Variants in PIBF1 observed in about 807,000 individuals in gnomAD.
PIBF1 encodes the protein progesterone immunomodulatory binding factor 1, also known as progesterone-induced-blocking factor 1.
PIBF1 carries 90 observed loss-of-function variants against 112.5 expected under a neutral mutation model. That is an observed-to-expected ratio of 0.80 (90% confidence interval 0.67 to 0.95). The LOEUF is 0.95. PIBF1 is among the 40% of genes least tolerant of loss of function. The pLI is 0.00. For missense variants in PIBF1, 915 were observed against 852.3 expected, an observed-to-expected ratio of 1.07 and a Z score of -0.92; for synonymous variants, 301 against 288.6, an observed-to-expected ratio of 1.04 and a Z score of -0.44.
intron 14 of PIBF1, among the ~76,000 whole-genome samples, chr13:72,931,732 A>ATATATATATATG (rs1290585521): frequency 6.9e-6 from 1 of 144,300 alleles, no homozygotes; most frequent in Non-Finnish European, 1.5e-5. Context: ...ATATATATAT[A>ATATATATATATG]TATATATATA....
At chr13:72,918,265 A>C (rs1332529329) in intron 13 of PIBF1, among the ~76,000 whole-genome samples, 2 of 152,126 alleles carry the variant, frequency 1.3e-5, no homozygotes, top group Non-Finnish European at 2.9e-5. Context: ...TTCTCTGCCT[A>C]TAAAGCAACT....
At chr13:72,841,675 T>A (rs1353641615) in intron 9 of PIBF1, among the ~76,000 whole-genome samples, 1 of 151,780 alleles carries the variant, frequency 6.6e-6, no homozygotes, top group Non-Finnish European at 1.5e-5. Context: ...GAGGCTGAGG[T>A]GGGAGGATCA....
intron 10 of PIBF1, among the ~76,000 whole-genome samples, chr13:72,885,455 A>G (rs2039810264): frequency 6.6e-6 from 1 of 152,142 alleles, no homozygotes; most frequent in South Asian, 2.1e-4. Flanking sequence ...TAAAAACCTC[A>G]TGGTTACTAT....
chr13:72,903,012 C>T (rs755169533), intron 11 of PIBF1, among the ~76,000 whole-genome samples: 8 of 151,950 alleles, frequency 5.3e-5, no homozygotes, highest in Non-Finnish European at 8.8e-5. Flanking sequence ...CCTCCCACCT[C>T]AGCCTCCCGA....
At position 72,782,875 on chromosome 13, in the gene PIBF1, CGTGTGTGTGTGTGT is replaced by C. The variant is rs34618038; in HGVS notation, c.-47-529_-47-516del. On this transcript the variant is annotated intron_variant, in intron 1 of 17. Transcript: ENST00000326291. ...GCCTTCCAGTCTTGATCGTTAAGGGCGTGTGTGTGTGTGTGTGTGTGTGTGTGTGTGTTTGTGTT... is the reference window on the plus strand; with the variant it reads ...GCCTTCCAGTCTTGATCGTTAAGGGCGTGTGTGTGTGTGTGTGTTTGTGTT... Among the ~76,000 whole-genome samples the C allele has an allele frequency of 7.6e-3, 1,116 of 147,466 alleles. 12 individuals carry two copies. Among genetic ancestry groups the C allele is most frequent in the Middle Eastern group, 0.014 (4 of 290 alleles).
intron 14 of PIBF1, among the ~76,000 whole-genome samples, chr13:72,954,099 A>G (rs2042375715): frequency 6.6e-6 from 1 of 152,144 alleles, no homozygotes; most frequent in South Asian, 2.1e-4. Flanking sequence ...CCTCTGGTGC[A>G]CAGAAGAATC....
At chr13:72,888,926 G>A (rs1221687096) in intron 10 of PIBF1, among the ~76,000 whole-genome samples, 1 of 152,116 alleles carries the variant, frequency 6.6e-6, no homozygotes, top group African/African-American at 2.4e-5. Flanking sequence ...TGGGCTGGGT[G>A]CAGTGACCCA....
At chr13:72,916,671 C>T (rs1374623132) in intron 12 of PIBF1, among the ~76,000 whole-genome samples, 2 of 151,780 alleles carry the variant, frequency 1.3e-5, no homozygotes, top group African/African-American at 4.8e-5. Context: ...TAAAGTTGTT[C>T]TGATAAAATA....
intron 5 of PIBF1, among the ~76,000 whole-genome samples, chr13:72,813,676 A>G (rs1414333268): frequency 6.6e-6 from 1 of 152,202 alleles, no homozygotes; most frequent in Non-Finnish European, 1.5e-5. Flanking sequence ...CAAATATTCA[A>G]GAAACTCAGG....
At chr13:72,928,390 C>G (rs1176179886) in intron 13 of PIBF1, among the ~76,000 whole-genome samples, 1 of 151,998 alleles carries the variant, frequency 6.6e-6, no homozygotes, top group Non-Finnish European at 1.5e-5. Flanking sequence ...CAGGGAAATT[C>G]CTTTTTGAAG....
chr13:72,804,172 A>G (rs1363298356), intron 5 of PIBF1, among the ~76,000 whole-genome samples: 5 of 152,196 alleles, frequency 3.3e-5, no homozygotes, highest in Admixed American at 6.5e-5. Context: ...TTGACCCAAA[A>G]GAGTAAATTT....
intron 11 of PIBF1, among the ~76,000 whole-genome samples, chr13:72,907,771 ATAAG>A (rs1261297839): frequency 4.0e-4 from 61 of 152,212 alleles, no homozygotes; most frequent in African/African-American, 1.4e-3. Context: ...GTCTGTAAAA[ATAAG>A]TAAGCATTCT....
Position 72,931,076 on chromosome 13 carries a change from A to G in PIBF1, c.1731-89A>G. ...AATATTTAAGTATAATTAGGAAATG[A>G]TGTCTATTTTCAAGTACACAAACAC... On this transcript the variant is annotated intron_variant, in intron 13 of 17. Coordinates refer to ENST00000326291, the MANE Select transcript of PIBF1 (RefSeq NM_006346.4). 3 of 719,480 alleles carry G rather than the reference A, an allele frequency of 4.2e-6. No individual in the cohort carries two copies. In the South Asian group the frequency reaches 5.2e-5, roughly 12 times the overall value. 44.6% of individuals were successfully genotyped at this position (719,480 alleles called of 1,614,324 possible). A position where few individuals can be genotyped will look rare whatever the true frequency, so the allele number is the denominator to read the frequency against.
chr13:72,827,815 G>C lies in PIBF1; in HGVS notation c.998G>C (p.Arg333Pro). 6.2e-7 allele frequency: 1 copy of C among 1,604,286 alleles called. No homozygotes were observed. The highest frequency in any genetic ancestry group is 8.5e-7 in the Non-Finnish European group (1 of 1,175,394). Residue 333 changes from arginine (R) to proline (P), a missense_variant, in exon 8 of 18, where the codon CGC becomes CCC. Arg to Pro is a moderately radical substitution (Grantham distance 103, BLOSUM62 -2). Coordinates refer to ENST00000326291, the MANE Select transcript of PIBF1 (RefSeq NM_006346.4). ...CGCCAAAACATGGAGCTTAGTGTTC[G>C]CTGTGCTCATGAAGAGGATCGCCTT... Reference protein sequence around the residue: ...LNRQNMELSVRCAHEEDRLER... With the variant: ...LNRQNMELSVPCAHEEDRLER...
intron 10 of PIBF1, among the ~76,000 whole-genome samples, chr13:72,861,496 T>A (rs2038697753): frequency 6.6e-6 from 1 of 152,154 alleles, no homozygotes; most frequent in South Asian, 2.1e-4. Flanking sequence ...GATTTTTATG[T>A]CATATTGGGC....
chr13:72,877,564 G>A (rs1333902244), intron 10 of PIBF1, among the ~76,000 whole-genome samples: 1 of 152,058 alleles, frequency 6.6e-6, no homozygotes, highest in African/African-American at 2.4e-5. Context: ...TAAAACACAT[G>A]TAGGCCTCTT....
chr13:72,798,275 A>G (rs900921957), intron 5 of PIBF1, among the ~76,000 whole-genome samples: 1 of 152,202 alleles, frequency 6.6e-6, no homozygotes, highest in Non-Finnish European at 1.5e-5. Context: ...TTTATAATCA[A>G]CTGCTTTTGA....
intron 14 of PIBF1, among the ~76,000 whole-genome samples, chr13:72,959,851 C>A (rs980661844): frequency 2.6e-4 from 39 of 152,040 alleles, no homozygotes; most frequent in Admixed American, 7.2e-4. Flanking sequence ...TCACTTATTA[C>A]GTATATGATT....
At chr13:72,918,734 TC>T (rs1264603287) in intron 13 of PIBF1, among the ~76,000 whole-genome samples, 1 of 137,588 alleles carries the variant, frequency 7.3e-6, no homozygotes, top group African/African-American at 2.7e-5. Context: ...AGACAGAGAC[TC>T]ACTGTGTCAC....
Sources: allele counts gnomAD v4.1 joint callset (sites outside exome capture counted in the v4.1 genomes callset), GRCh38; gene constraint gnomAD v4.1.1; transcripts MANE v1.5; gene names NCBI Gene and HGNC (gene_info 2026-07-23, HGNC 2026-07-21).